The following PSD2 variants were observed in gnomAD, a reference collection of about 807,000 sequenced individuals.
The protein encoded by PSD2 is PH and SEC7 domain-containing protein 2.
In PSD2, 38 loss-of-function variants were observed where a neutral mutation model predicts 69.8. That is an observed-to-expected ratio of 0.54 (90% CI 0.42 to 0.71). PSD2 has a LOEUF of 0.71. Among genes scored for constraint, PSD2 ranks in the 30% least tolerant of loss-of-function variants. The pLI, the probability that PSD2 is intolerant of heterozygous loss-of-function variation, is 0.00. For missense variants in PSD2, 943 were observed against 1,014.5 expected, an observed-to-expected ratio of 0.93 and a Z score of 0.96; for synonymous variants, 412 against 423.0, an observed-to-expected ratio of 0.97 and a Z score of 0.32.
the PSD2 span, among the ~76,000 whole-genome samples, chr5:139,750,619 T>C: frequency 6.6e-6 from 1 of 152,210 alleles, no homozygotes; most frequent in African/African-American, 2.4e-5. Context: ...CTAGGTTTCC[T>C]CCTGGAGGTT....
At chr5:139,751,506 G>A in the PSD2 span, among the ~76,000 whole-genome samples, 1 of 152,170 alleles carries the variant, frequency 6.6e-6, no homozygotes, top group Non-Finnish European at 1.5e-5. Context: ...GGAACCCTGG[G>A]GAAACAGTAA....
chr5:139,783,946 T>TTA, the PSD2 span, among the ~76,000 whole-genome samples: 1 of 106,584 alleles, frequency 9.4e-6, no homozygotes, highest in Non-Finnish European at 2.0e-5. Context: ...GCTAGCTCTT[T>TTA]TTTTTTTTTT....
chr5:139,822,602 A>G, intron 6 of PSD2, 124 bp from the exon 7 acceptor site: 1 of 722,776 alleles, frequency 1.4e-6, no homozygotes, highest in South Asian at 2.1e-5. Flanking sequence ...CTGTCCCCTG[A>G]GGTGAGTTTG....
chr5:139,769,640 A>G, the PSD2 span, among the ~76,000 whole-genome samples: 2 of 152,158 alleles, frequency 1.3e-5, no homozygotes, highest in African/African-American at 2.4e-5. Context: ...CCCTTCAGGG[A>G]CACACCTTTG....
chr5:139,794,559 A>G (rs1020751322), upstream of PSD2, among the ~76,000 whole-genome samples: 3 of 152,216 alleles, frequency 2.0e-5, no homozygotes, highest in Non-Finnish European at 4.4e-5. Context: ...AGGAAGGGGC[A>G]TTTAAGGAGG....
chr5:139,791,985 T>A (rs1759422717), upstream of PSD2, among the ~76,000 whole-genome samples: 1 of 151,960 alleles, frequency 6.6e-6, no homozygotes, highest in Non-Finnish European at 1.5e-5. Flanking sequence ...ATTAGCCAAA[T>A]GAGAGTGCGT....
At chr5:139,804,959 A>G (rs1056577416) in intron 1 of PSD2, among the ~76,000 whole-genome samples, 25 of 133,476 alleles carry the variant, frequency 1.9e-4, no homozygotes, top group African/African-American at 5.5e-4. Flanking sequence ...GTGCGTGTGT[A>G]TGTGTGCGTG....
At position 139,813,511 on chromosome 5, in the gene PSD2, C is replaced by T. The variant is rs1760028041; in HGVS notation, c.574C>T (p.Pro192Ser). 5 of 1,612,294 alleles carry T rather than the reference C, an allele frequency of 3.1e-6. No homozygotes were observed. Among genetic ancestry groups the T allele is most frequent in the South Asian group, 2.2e-5 (2 of 90,928 alleles). The change falls in exon 3 of 15, where the codon CCT (proline) becomes TCT (serine). Residue 192 changes from proline to serine, a missense_variant. Physicochemically the swap from Pro to Ser is moderately conservative, Grantham distance 74. Around this residue, in one of 3 missense-constraint regions of PSD2, gnomAD observed 466 missense variants for 445.0 expected, o/e 1.05. Transcript: ENST00000274710. ...CATCCAGCAGCGGGCCCGTGACAGC[C>T]CTGAGCCAGGGGCTGGGTTGGGCAT... is the stretch of plus-strand genomic sequence containing the variant. ...PLIQQRARDS[P>S]EPGAGLGIGD...
the PSD2 span, among the ~76,000 whole-genome samples, chr5:139,759,662 C>CT: frequency 6.6e-6 from 1 of 152,228 alleles, no homozygotes; most frequent in East Asian, 1.9e-4. Flanking sequence ...ACGCCGGGCC[C>CT]TTTGGGGGAA....
At chr5:139,805,141 T>C (rs1368727757) in intron 1 of PSD2, among the ~76,000 whole-genome samples, 1 of 152,210 alleles carries the variant, frequency 6.6e-6, no homozygotes, top group Non-Finnish European at 1.5e-5. Flanking sequence ...TGTCAGGTCC[T>C]GCACCCATGC....
intron 7 of PSD2, among the ~76,000 whole-genome samples, chr5:139,827,389 G>C (rs2126955687): frequency 6.6e-6 from 1 of 152,332 alleles, no homozygotes; most frequent in East Asian, 1.9e-4. Flanking sequence ...AAGTGTATTT[G>C]GTTGGACTTG....
chr5:139,837,733 G>A lies in PSD2; in HGVS notation c.1774G>A (p.Val592Met), dbSNP rs1406878987. Residue 592 changes from valine (V) to methionine (M), a missense_variant, in exon 12 of 15, where the codon GTG becomes ATG. Physicochemically the swap from Val to Met is conservative, Grantham distance 21 (BLOSUM62 1). Around this residue, in one of 3 missense-constraint regions of PSD2, gnomAD observed 312 missense variants for 400.7 expected, o/e 0.78. Coordinates refer to ENST00000274710, the MANE Select transcript of PSD2 (RefSeq NM_032289.4). The surrounding 1 kb of genome is among the most constrained non-coding windows in gnomAD (Gnocchi z 5.0). ...RASDYSKKSN[V>M]LKLKTADWRV... ...CTCTGACTACAGCAAGAAGTCCAAC[G>A]TGCTGAAGCTTAAGACAGCCGACTG... is the stretch of plus-strand genomic sequence containing the variant. 8.7e-6 allele frequency: 14 copies of A among 1,613,934 alleles called. No homozygotes were observed. The highest frequency in any genetic ancestry group is 1.1e-5 in the Non-Finnish European group (13 of 1,179,916).
At chr5:139,773,215 C>G in the PSD2 span, among the ~76,000 whole-genome samples, 1 of 152,132 alleles carries the variant, frequency 6.6e-6, no homozygotes, top group Non-Finnish European at 1.5e-5. Flanking sequence ...CCTTTCCCAG[C>G]ACCCTCCACC....
chr5:139,762,473 T>TAGG, the PSD2 span, among the ~76,000 whole-genome samples: 1 of 152,230 alleles, frequency 6.6e-6, no homozygotes, highest in African/African-American at 2.4e-5. Flanking sequence ...CTTGACTAGC[T>TAGG]AGGACTACAG....
At chr5:139,820,796 A>G (rs1429405552) in intron 5 of PSD2, among the ~76,000 whole-genome samples, 1 of 152,146 alleles carries the variant, frequency 6.6e-6, no homozygotes, top group Non-Finnish European at 1.5e-5. Flanking sequence ...GAGGCACTGA[A>G]TAGTGAAATG....
intron 1 of PSD2, among the ~76,000 whole-genome samples, chr5:139,806,110 T>A (rs912535224): frequency 3.9e-5 from 6 of 152,212 alleles, no homozygotes; most frequent in African/African-American, 1.4e-4. Flanking sequence ...CCCAAGGTCA[T>A]TCCAAGGGCT....
At chr5:139,778,532 C>A in the PSD2 span, among the ~76,000 whole-genome samples, 6 of 152,204 alleles carry the variant, frequency 3.9e-5, no homozygotes, top group African/African-American at 1.4e-4. Context: ...TATTTTAGGA[C>A]ATTTAAGTTA....
chr5:139,824,961 G>A (rs1245911211), intron 7 of PSD2, among the ~76,000 whole-genome samples: 7 of 152,120 alleles, frequency 4.6e-5, no homozygotes, highest in African/African-American at 1.4e-4. Flanking sequence ...AGGGGCTATC[G>A]GGCTATAGGC....
the PSD2 span, among the ~76,000 whole-genome samples, chr5:139,752,479 G>A: frequency 1.1e-4 from 16 of 152,210 alleles, no homozygotes; most frequent in Admixed American, 1.0e-3. Context: ...TGGGCACGAG[G>A]ACAGCCACCC....
Sources: allele counts gnomAD v4.1 joint callset (sites outside exome capture counted in the v4.1 genomes callset), GRCh38; gene constraint gnomAD v4.1.1; regional missense constraint gnomAD v4.1.1; non-coding constraint Gnocchi (gnomAD v3.1); transcripts MANE v1.5; gene names NCBI Gene and HGNC (gene_info 2026-07-23, HGNC 2026-07-21).